The following KIF26B variants were observed in gnomAD, a reference collection of about 807,000 sequenced individuals.
KIF26B encodes the protein kinesin family member 26B.
A neutral mutation model predicts 151.2 loss-of-function variants in KIF26B; 63 were observed. The observed-to-expected ratio is 0.42, with a 90% CI of 0.34 to 0.51. The LOEUF (loss-of-function observed/expected upper bound fraction) is 0.51. Among genes scored for constraint, KIF26B ranks in the 20% least tolerant of loss-of-function variants. The pLI, the probability that KIF26B is intolerant of heterozygous loss-of-function variation, is 0.07. For synonymous variants in KIF26B, 1,357 were observed against 1,262.1 expected, an observed-to-expected ratio of 1.08 and a Z score of -1.59; for missense variants, 2,813 against 2,913.6, an observed-to-expected ratio of 0.97 and a Z score of 0.79.
At chr1:245,184,262 A>G (rs553163320) in intron 2 of KIF26B, among the ~76,000 whole-genome samples, 3 of 151,748 alleles carry the variant, frequency 2.0e-5, no homozygotes, top group Admixed American at 2.0e-4. Context: ...ACAAAGGCAA[A>G]TTGAATGGTA....
chr1:245,256,959 C>T (rs959272476), intron 2 of KIF26B, among the ~76,000 whole-genome samples: 70 of 152,298 alleles, frequency 4.6e-4, no homozygotes, highest in African/African-American at 1.6e-3. Context: ...TTTTCCTGAT[C>T]CAGTAGAGAA....
intron 5 of KIF26B, among the ~76,000 whole-genome samples, chr1:245,598,543 C>T (rs55837614): frequency 0.094 from 14,341 of 152,236 alleles, 716 homozygotes; most frequent in Middle Eastern, 0.13. Context: ...GCTGTGATCA[C>T]GTGTAGTGGT....
chr1:245,390,536 A>G (rs1044182990), intron 3 of KIF26B, among the ~76,000 whole-genome samples: 3 of 152,060 alleles, frequency 2.0e-5, no homozygotes, highest in African/African-American at 7.2e-5. Flanking sequence ...AGTGAAAATA[A>G]TTTTATTGAA....
intron 5 of KIF26B, among the ~76,000 whole-genome samples, chr1:245,571,195 G>A (rs1328166008): frequency 3.9e-5 from 6 of 152,202 alleles, no homozygotes; most frequent in African/African-American, 1.4e-4. Flanking sequence ...GGAAAGCCCT[G>A]TACTTGCCTT....
intron 10 of KIF26B, among the ~76,000 whole-genome samples, chr1:245,651,783 G>GC (rs2044018985): frequency 1.3e-5 from 2 of 152,160 alleles, no homozygotes; most frequent in African/African-American, 4.8e-5. Context: ...CGCTCCTTAT[G>GC]AGAATCTAAT....
intron 2 of KIF26B, among the ~76,000 whole-genome samples, chr1:245,293,590 T>G (rs1156406496): frequency 6.6e-6 from 1 of 151,708 alleles, no homozygotes; most frequent in Non-Finnish European, 1.5e-5. Flanking sequence ...TTTTTTTTTT[T>G]TTTTGGAGAT....
chr1:245,297,650 A>G (rs888794896), intron 2 of KIF26B, among the ~76,000 whole-genome samples: 4 of 152,242 alleles, frequency 2.6e-5, no homozygotes, highest in African/African-American at 9.6e-5. Context: ...AGAGAAAAGG[A>G]GTAGGCTCTG....
At chr1:245,433,533 C>T (rs547263670) in intron 4 of KIF26B, among the ~76,000 whole-genome samples, 1 of 151,286 alleles carries the variant, frequency 6.6e-6, no homozygotes, top group Admixed American at 6.6e-5. Context: ...TTGCAAGCAG[C>T]ACAGTTTATT....
At chr1:245,202,706 G>A (rs1414674808) in intron 2 of KIF26B, among the ~76,000 whole-genome samples, 2 of 146,010 alleles carry the variant, frequency 1.4e-5, no homozygotes, top group African/African-American at 2.6e-5. Context: ...CTTGCAGTGA[G>A]CTGAGATCGC....
chr1:245,335,057 A>G (rs1003499917), intron 2 of KIF26B, among the ~76,000 whole-genome samples: 1 of 152,194 alleles, frequency 6.6e-6, no homozygotes, highest in African/African-American at 2.4e-5. Flanking sequence ...TGAGGCAGCT[A>G]AAACCACTGA....
chr1:245,388,348 G>A (rs1163129502), intron 3 of KIF26B, among the ~76,000 whole-genome samples: 1 of 152,146 alleles, frequency 6.6e-6, no homozygotes, highest in African/African-American at 2.4e-5. Flanking sequence ...TTTTTCCTTT[G>A]ATGAAAAGTG....
chr1:245,424,490 T>G (rs1002337372), intron 4 of KIF26B, among the ~76,000 whole-genome samples: 25 of 152,224 alleles, frequency 1.6e-4, no homozygotes, highest in African/African-American at 6.0e-4. Flanking sequence ...ATGTACATAT[T>G]GTGGAATTAG....
In KIF26B at chr1:245,485,478, G is replaced by T. The variant is rs1660261848; in HGVS notation, c.1167-55289G>T. 4.7e-5 allele frequency among the ~76,000 whole-genome samples: 7 copies of T among 149,556 alleles called. No homozygotes were observed. In the South Asian group the frequency reaches 1.5e-3, roughly 32 times the overall value. On this transcript the variant is annotated intron_variant, in intron 4 of 14. Coordinates refer to ENST00000407071, the MANE Select transcript of KIF26B (RefSeq NM_018012.4). ...GGCTCACTGCAACCTCCACCTCCCA[G>T]GCTCATGTGATTCTCCTGCCCCAGC...
At chr1:245,242,950 A>G (rs1407993823) in intron 2 of KIF26B, among the ~76,000 whole-genome samples, 1 of 152,100 alleles carries the variant, frequency 6.6e-6, no homozygotes, top group Non-Finnish European at 1.5e-5. Flanking sequence ...GCGCCCAGCC[A>G]TATGTGGTTT....
chr1:245,687,456 C>A lies in KIF26B; in HGVS notation c.4473C>A (p.Ser1491Arg), dbSNP rs868787194. The A allele has an allele frequency of 1.3e-6, 2 of 1,588,528 alleles. No homozygotes were observed. Among genetic ancestry groups the A allele is most frequent in the Admixed American group, 1.8e-5 (1 of 55,970 alleles). The change falls in exon 12 of 15, where the codon AGC (serine) becomes AGA (arginine). Residue 1491 changes from serine to arginine, a missense_variant. By Grantham distance (110) the Ser-to-Arg change is moderately radical. Transcript: ENST00000407071. This position sits in a 1 kb window ranked among gnomAD's most constrained non-coding sequence, Gnocchi z 4.9. ...DGKPSPGDRL[S>R]SSSGEVSASP... ...AGCCCAGTCCGGGAGACAGGCTCAG[C>A]AGCAGCAGCGGAGAGGTGTCGGCCT...
chr1:245,698,353 C>T lies in KIF26B; in HGVS notation c.6027+45C>T, dbSNP rs2044722409. ...ACCCCCTGCCTACGTGGTGGCAGCTCCCCACCAAGCCTGAGCAGGTGCTAG... is the reference window on the plus strand; with the variant it reads ...ACCCCCTGCCTACGTGGTGGCAGCTTCCCACCAAGCCTGAGCAGGTGCTAG... On this transcript the variant is annotated intron_variant, in intron 13 of 14. Coordinates refer to ENST00000407071, the MANE Select transcript of KIF26B (RefSeq NM_018012.4). This position sits in a 1 kb window ranked among gnomAD's most constrained non-coding sequence, Gnocchi z 4.0. 1 of 1,539,016 alleles carries T rather than the reference C, an allele frequency of 6.5e-7. No homozygotes were observed. Among genetic ancestry groups the T allele is most frequent in the African/African-American group, 1.4e-5 (1 of 73,780 alleles).
intron 9 of KIF26B, 22 bp from the exon 10 acceptor site, chr1:245,646,099 T>C (rs980002222): frequency 3.1e-6 from 5 of 1,610,174 alleles, no homozygotes; most frequent in Non-Finnish European, 4.2e-6. Flanking sequence ...CCATTTCTCT[T>C]TTATCTTCTC....
chr1:245,648,220 T>C (rs1028897665), intron 10 of KIF26B, among the ~76,000 whole-genome samples: 5 of 152,240 alleles, frequency 3.3e-5, no homozygotes, highest in Non-Finnish European at 5.9e-5. Context: ...CGACATGCTT[T>C]TATGATTTCT....
intron 5 of KIF26B, among the ~76,000 whole-genome samples, chr1:245,546,441 C>T (rs952177211): frequency 3.9e-5 from 6 of 152,066 alleles, no homozygotes; most frequent in African/African-American, 7.2e-5. Context: ...GAGGTGATGC[C>T]GGGGAAAATC....
Sources: gnomAD v4.1 joint callset for allele counts (sites outside exome capture counted in the v4.1 genomes callset) on GRCh38, gnomAD v4.1.1 for gene constraint, Gnocchi (gnomAD v3.1) non-coding constraint, MANE v1.5 for transcripts, NCBI Gene and HGNC (gene_info 2026-07-23, HGNC 2026-07-21) for gene names.